The following ASS1 variants were observed in gnomAD, a reference collection of about 807,000 sequenced individuals.
ASS1 encodes argininosuccinate synthase.
Under a neutral mutation model 60.5 loss-of-function variants are expected in ASS1, and 58 were observed. The ratio of observed to expected loss-of-function variants is 0.96; its 90% CI spans 0.78 to 1.19. The LOEUF is 1.19. Ranked by LOEUF, ASS1 falls within the 50% of genes most tolerant of loss-of-function variation. The pLI, the probability that ASS1 is intolerant of heterozygous loss-of-function variation, is 0.00. For synonymous variants in ASS1, 200 were observed against 206.9 expected (o/e 0.97, Z 0.29); for missense variants, 454 against 547.3 (o/e 0.83, Z 1.70).
In ASS1 at chr9:130,499,530, C is replaced by G. The variant is rs775691183; in HGVS notation, c.1153C>G (p.Pro385Ala). 5 of 1,613,716 alleles carry G rather than the reference C, an allele frequency of 3.1e-6. No individual in the cohort carries two copies. The Admixed American group carries it at 5.0e-5, about 16-fold the overall frequency. ...VSMNVQGDYEPTDATGFININ... is the reference protein window; with the variant it reads ...VSMNVQGDYEATDATGFININ... ...CATGAACGTGCAGGGTGATTATGAGCCAACTGATGCCACCGGGTTCATCAA... is the reference window on the plus strand; with the variant it reads ...CATGAACGTGCAGGGTGATTATGAGGCAACTGATGCCACCGGGTTCATCAA... Residue 385 changes from proline to alanine, a missense_variant, in exon 14 of 15, where the codon CCA becomes GCA. Transcript: ENST00000352480.
In ASS1 at chr9:130,459,631, C is replaced by T. The variant is rs2131875186; in HGVS notation, c.363+1042C>T. Among the ~76,000 whole-genome samples the T allele has an allele frequency of 6.6e-6, 1 of 152,248 alleles. No homozygotes were observed. Among genetic ancestry groups the T allele is most frequent in the Non-Finnish European group, 1.5e-5 (1 of 68,016 alleles). On this transcript the variant is annotated intron_variant, in intron 4 of 14. Transcript: ENST00000352480. This position sits in a 1 kb window ranked among gnomAD's most constrained non-coding sequence, Gnocchi z 4.6. ...TGTATTTTTAGTAGAGACGGGGTTT[C>T]GCCATGTTGGGCAGGCTGGTCTTGA...
At chr9:130,449,100 G>A (rs951316060) in intron 1 of ASS1, among the ~76,000 whole-genome samples, 2 of 152,174 alleles carry the variant, frequency 1.3e-5, no homozygotes, top group African/African-American at 2.4e-5. Context: ...AGAGGCTGAG[G>A]CAGGCAGATC....
rs114455711 is a variant in ASS1, at chr9:130,453,593, C to T, written c.106-712C>T. 5.9e-5 allele frequency among the ~76,000 whole-genome samples: 9 copies of T among 152,134 alleles called. 1 individual carries two copies. The highest frequency in any genetic ancestry group is 2.2e-4 in the African/African-American group (9 of 41,404). On this transcript the variant is annotated intron_variant, in intron 2 of 14. Coordinates refer to ENST00000352480, the MANE Select transcript of ASS1 (RefSeq NM_054012.4). Reference sequence around the variant, plus strand: ...CAGAGCTGGAGCTGGGCGTATAGACCCCTGGGCTACCACCTGGGGGATTTA... The same window carrying T: ...CAGAGCTGGAGCTGGGCGTATAGACTCCTGGGCTACCACCTGGGGGATTTA...
chr9:130,453,868 G>C (rs561748456), intron 2 of ASS1, among the ~76,000 whole-genome samples: 1 of 152,388 alleles, frequency 6.6e-6, no homozygotes, highest in African/African-American at 2.4e-5. Flanking sequence ...AGCTGCCTCA[G>C]GATGGCCAAG....
Position 130,470,869 on chromosome 9 carries a change from C to T in ASS1, c.531C>T (p.Asn177=), listed in dbSNP as rs749402391. Residue 177 remains asparagine (N), a synonymous_variant, in exon 7 of 15, where the codon AAC becomes AAT. Transcript: ENST00000352480. This position sits in a 1 kb window ranked among gnomAD's most constrained non-coding sequence, Gnocchi z 4.3. ...TTCCCATCCCGGTCACTCCCAAGAA[C>T]CCGTGGAGCATGGATGAGAACCTCA... ...HGIPIPVTPK[N]PWSMDENLMH... 1 of 1,614,142 alleles carries T rather than the reference C, an allele frequency of 6.2e-7. No individual in the cohort carries two copies. The highest frequency in any genetic ancestry group is 8.5e-7 in the Non-Finnish European group (1 of 1,180,004).
chr9:130,463,748 A>C (rs1845659610), intron 4 of ASS1, among the ~76,000 whole-genome samples: 1 of 152,170 alleles, frequency 6.6e-6, no homozygotes, highest in Non-Finnish European at 1.5e-5. Flanking sequence ...GGGGCAGGGC[A>C]GGGTCAGCAA....
chr9:130,479,014 T>C (rs1846093317), intron 9 of ASS1, among the ~76,000 whole-genome samples: 1 of 152,166 alleles, frequency 6.6e-6, no homozygotes, highest in African/African-American at 2.4e-5. Context: ...TTCAGCTCTC[T>C]TGTTAGCCCC....
At chr9:130,467,151 G>T (rs1382346653) in intron 6 of ASS1, among the ~76,000 whole-genome samples, 1 of 151,970 alleles carries the variant, frequency 6.6e-6, no homozygotes, top group Non-Finnish European at 1.5e-5. Context: ...TGTGTCACTT[G>T]GGGGGATGGC....
intron 4 of ASS1, among the ~76,000 whole-genome samples, chr9:130,458,799 C>T (rs1007106549): frequency 1.2e-4 from 18 of 152,268 alleles, no homozygotes; most frequent in African/African-American, 4.3e-4. Flanking sequence ...ATTCTGAGTC[C>T]TCACCTCCAC....
At chr9:130,498,809 G>A (rs556822296) in intron 13 of ASS1, among the ~76,000 whole-genome samples, 3 of 152,312 alleles carry the variant, frequency 2.0e-5, no homozygotes, top group East Asian at 1.9e-4. Context: ...GGTTAGGAAG[G>A]TTGGGAGGAG....
chr9:130,486,949 G>A (rs1057379042), intron 11 of ASS1, among the ~76,000 whole-genome samples: 1 of 152,206 alleles, frequency 6.6e-6, no homozygotes, highest in Non-Finnish European at 1.5e-5. Flanking sequence ...TTTGCCAAAG[G>A]CCCTTCGAGG....
chr9:130,492,788 C>T (rs1319623162), intron 12 of ASS1, among the ~76,000 whole-genome samples: 2 of 152,230 alleles, frequency 1.3e-5, no homozygotes, highest in African/African-American at 2.4e-5. Context: ...GGAGGGGTCC[C>T]TCTCCAGCTC....
intron 11 of ASS1, among the ~76,000 whole-genome samples, chr9:130,487,024 T>A (rs1210367928): frequency 1.3e-5 from 2 of 152,098 alleles, no homozygotes; most frequent in Non-Finnish European, 2.9e-5. Flanking sequence ...GGCTGGGTGG[T>A]ATTAGGCAAG....
chr9:130,454,343 G>A lies in ASS1; in HGVS notation c.144G>A (p.Arg48=), dbSNP rs756107583. 25 of 1,613,642 alleles carry A rather than the reference G, an allele frequency of 1.5e-5. No individual in the cohort carries two copies. The South Asian group carries it at 2.3e-4, about 15-fold the overall frequency. The change falls in exon 3 of 15, where the codon AGG becomes AGA. Residue 48 remains arginine (R), a synonymous_variant. Transcript: ENST00000352480. ...AGAAGGAAGACTTCGAGGAAGCCAG[G>A]AAGAAGGCACTGAAGCTTGGGGCCA... The part of the protein sequence containing the change: ...IGQKEDFEEA[R]KKALKLGAKK...
In ASS1 at chr9:130,477,315, G is replaced by A. The variant is rs898058302; in HGVS notation, c.688+354G>A. ...TGAAAGAGTGCCTGCTGTTTTCCTGGGGTAGAATGAGGCCTGCAAGGGAGC... is the reference window on the plus strand; with the variant it reads ...TGAAAGAGTGCCTGCTGTTTTCCTGAGGTAGAATGAGGCCTGCAAGGGAGC... On this transcript the variant is annotated intron_variant, in intron 9 of 14. Transcript: ENST00000352480. The surrounding 1 kb of genome is among the most constrained non-coding windows in gnomAD (Gnocchi z 4.2). Among the ~76,000 whole-genome samples, 1 of 152,166 alleles carries A rather than the reference G, an allele frequency of 6.6e-6. No individual in the cohort carries two copies. The highest frequency in any genetic ancestry group is 1.5e-5 in the Non-Finnish European group (1 of 68,028).
rs1846452368 is a variant in ASS1, at chr9:130,491,627, T to C, written c.970+2163T>C. Among the ~76,000 whole-genome samples the C allele has an allele frequency of 6.6e-6, 1 of 152,206 alleles. No individual in the cohort carries two copies. Among genetic ancestry groups the C allele is most frequent in the Non-Finnish European group, 1.5e-5 (1 of 68,024 alleles). ...CACGGCGGCACAGACAGGGGAACCCTGGGTGTAGGGCACAGTTTGGCTCCT... is the reference window on the plus strand; with the variant it reads ...CACGGCGGCACAGACAGGGGAACCCCGGGTGTAGGGCACAGTTTGGCTCCT... On this transcript the variant is annotated intron_variant, in intron 12 of 14. Transcript: ENST00000352480. The surrounding 1 kb of genome is among the most constrained non-coding windows in gnomAD (Gnocchi z 5.3).
In ASS1 at chr9:130,459,878, C is replaced by T. The variant is rs1446866177; in HGVS notation, c.363+1289C>T. ...GGGCCGTGTGTCCCAGTGCAGACTG[C>T]GGGGTCCCCGTGGGGTGCAAGACAG... On this transcript the variant is annotated intron_variant, in intron 4 of 14. Transcript: ENST00000352480. This position sits in a 1 kb window ranked among gnomAD's most constrained non-coding sequence, Gnocchi z 4.6. 6.6e-6 allele frequency among the ~76,000 whole-genome samples: 1 copy of T among 152,240 alleles called. No individual in the cohort carries two copies. Among genetic ancestry groups the T allele is most frequent in the Non-Finnish European group, 1.5e-5 (1 of 68,046 alleles).
chr9:130,457,603 C>T (rs1005432465), intron 3 of ASS1, among the ~76,000 whole-genome samples: 1 of 152,168 alleles, frequency 6.6e-6, no homozygotes, highest in African/African-American at 2.4e-5. Flanking sequence ...GTGTGGCTGG[C>T]CGTCCTGTGC....
upstream of ASS1, chr9:130,444,937 C>G (rs1845160064): frequency 6.5e-6 from 1 of 154,508 alleles, no homozygotes; most frequent in African/African-American, 2.4e-5. This position sits in a 1 kb window ranked among gnomAD's most constrained non-coding sequence, Gnocchi z 4.7. Context: ...GTGCTTATAA[C>G]CTGGGATGGG....
Sources: allele counts gnomAD v4.1 joint callset (sites outside exome capture counted in the v4.1 genomes callset), GRCh38; gene constraint gnomAD v4.1.1; non-coding constraint Gnocchi (gnomAD v3.1); transcripts MANE v1.5; gene names NCBI Gene and HGNC (gene_info 2026-07-23, HGNC 2026-07-21).